GPHN: variants seen among roughly 807,000 people sequenced by gnomAD.
GPHN encodes the protein gephyrin.
In GPHN, 17 loss-of-function variants were observed where a neutral mutation model predicts 95.5. The observed-to-expected ratio is 0.18, with a 90% CI of 0.12 to 0.27. GPHN has a LOEUF of 0.27. GPHN is among the 10% of genes least tolerant of loss of function. The pLI is 1.00. For synonymous variants in GPHN, 320 were observed against 322.5 expected, an observed-to-expected ratio of 0.99 and a Z score of 0.08; for missense variants, 660 against 978.1, an observed-to-expected ratio of 0.67 and a Z score of 4.34.
chr14:67,519,708 A>C, the GPHN span, among the ~76,000 whole-genome samples: 2 of 133,340 alleles, frequency 1.5e-5, no homozygotes, highest in African/African-American at 2.7e-5. Context: ...GTGGCCCTGT[A>C]AGTTTGTTTT....
At chr14:66,840,060 C>A (rs2062013570) in intron 4 of GPHN, among the ~76,000 whole-genome samples, 1 of 152,144 alleles carries the variant, frequency 6.6e-6, no homozygotes, top group East Asian at 1.9e-4. Context: ...GGGCAGATCA[C>A]CTGAGGTCAG....
intron 3 of GPHN, among the ~76,000 whole-genome samples, chr14:66,791,231 G>A (rs1049867883): frequency 3.9e-5 from 6 of 152,188 alleles, no homozygotes; most frequent in African/African-American, 9.7e-5. Flanking sequence ...AATCAGTGCT[G>A]CAGTCTATTT....
chr14:67,413,422 T>C, the GPHN span, among the ~76,000 whole-genome samples: 1 of 152,316 alleles, frequency 6.6e-6, no homozygotes, highest in Admixed American at 6.5e-5. Context: ...TGCTCCAGTT[T>C]GAAGGGCCCT....
chr14:66,957,998 A>G lies in GPHN; in HGVS notation c.829-7193A>G, dbSNP rs74473205. 3.9e-3 allele frequency among the ~76,000 whole-genome samples: 598 copies of G among 152,304 alleles called. 5 individuals are homozygous for G. The highest frequency in any genetic ancestry group is 0.014 in the African/African-American group (575 of 41,574). ...TCCCCACCAACCCCCAGTCCGTAGAAAAATTGTCTTCCATAAAAACACTCC... is the reference window on the plus strand; with the variant it reads ...TCCCCACCAACCCCCAGTCCGTAGAGAAATTGTCTTCCATAAAAACACTCC... On this transcript the variant is annotated intron_variant, in intron 8 of 22. Transcript: ENST00000478722.
chr14:67,578,688 T>G, the GPHN span: 1 of 1,116,814 alleles, frequency 9.0e-7, no homozygotes, highest in Non-Finnish European at 1.3e-6. This position sits in a 1 kb window ranked among gnomAD's most constrained non-coding sequence, Gnocchi z 5.0. Flanking sequence ...GCCGCATGAA[T>G]AAGAGGGATG....
At chr14:67,375,367 C>T in the GPHN span, among the ~76,000 whole-genome samples, 7 of 151,912 alleles carry the variant, frequency 4.6e-5, no homozygotes, top group South Asian at 2.1e-4. Context: ...GCGATCCTCT[C>T]GCCTCTGCCT....
At chr14:67,173,223 C>A (rs1313957169) in intron 21 of GPHN, among the ~76,000 whole-genome samples, 1 of 152,202 alleles carries the variant, frequency 6.6e-6, no homozygotes, top group Non-Finnish European at 1.5e-5. Flanking sequence ...CACATCCACT[C>A]TAAGCACCTG....
the GPHN span, among the ~76,000 whole-genome samples, chr14:67,285,366 A>T: frequency 2.9e-5 from 4 of 137,850 alleles, no homozygotes; most frequent in Non-Finnish European, 3.1e-5. Flanking sequence ...CCTTAGGTAA[A>T]TTTTTTTTTT....
chr14:66,829,268 A>C (rs1413575251), intron 4 of GPHN, among the ~76,000 whole-genome samples: 1 of 151,704 alleles, frequency 6.6e-6, no homozygotes, highest in African/African-American at 2.4e-5. Flanking sequence ...TTATATTTTT[A>C]GTAGAGACAG....
chr14:66,781,293 T>C (rs1383470805), intron 3 of GPHN, among the ~76,000 whole-genome samples: 2 of 151,714 alleles, frequency 1.3e-5, no homozygotes, highest in Non-Finnish European at 2.9e-5. Context: ...CTCAGCACAC[T>C]GCAACCTCTA....
chr14:66,898,466 TAAAAAAAAAAAA>T (rs59434196), intron 5 of GPHN, among the ~76,000 whole-genome samples: 3 of 91,756 alleles, frequency 3.3e-5, no homozygotes, highest in African/African-American at 9.6e-5. Context: ...GCTACTTGTT[TAAAAAAAAAAAA>T]AAAAAAAAAA....
At chr14:66,709,334 C>G (rs868762275) in intron 2 of GPHN, 1 of 456,014 alleles carries the variant, frequency 2.2e-6, no homozygotes, top group African/African-American at 2.0e-5. Flanking sequence ...TAAGCCTGTA[C>G]TGTAGTCCCC....
At chr14:67,675,281 G>A in the GPHN span, among the ~76,000 whole-genome samples, 952 of 152,236 alleles carry the variant, frequency 6.3e-3, 15 homozygotes, top group African/African-American at 0.022. Flanking sequence ...GCCGAGGTGG[G>A]AGGATTGCTT....
the GPHN span, chr14:67,586,527 C>T: frequency 7.6e-5 from 56 of 741,104 alleles, 1 homozygote; most frequent in Non-Finnish European, 1.0e-4. Context: ...CCACAGTGCT[C>T]CCTCTTCCTT....
chr14:66,694,424 T>C (rs1026486013), intron 2 of GPHN, among the ~76,000 whole-genome samples: 5 of 152,204 alleles, frequency 3.3e-5, no homozygotes, highest in Admixed American at 3.3e-4. Flanking sequence ...AAGACAATGT[T>C]CAACTGGTCT....
the GPHN span, among the ~76,000 whole-genome samples, chr14:67,715,865 G>A: frequency 6.6e-6 from 1 of 152,188 alleles, no homozygotes; most frequent in African/African-American, 2.4e-5. Context: ...GAACACAAAT[G>A]TAGAGCTTAT....
the GPHN span, among the ~76,000 whole-genome samples, chr14:67,680,460 C>A: frequency 6.6e-6 from 1 of 152,116 alleles, no homozygotes; most frequent in African/African-American, 2.4e-5. Context: ...AATACTACAG[C>A]AAGAGCTTTC....
the GPHN span, among the ~76,000 whole-genome samples, chr14:67,351,336 A>G: frequency 6.6e-6 from 1 of 152,206 alleles, no homozygotes; most frequent in Admixed American, 6.5e-5. Flanking sequence ...CCCAAAATTC[A>G]GACATAATTA....
chr14:66,721,543 A>G (rs563891293), intron 2 of GPHN, among the ~76,000 whole-genome samples: 1 of 152,212 alleles, frequency 6.6e-6, no homozygotes, highest in Non-Finnish European at 1.5e-5. Context: ...TAACAAATCA[A>G]ACTAATTAAC....
Sources: gnomAD v4.1 joint callset for allele counts (sites outside exome capture counted in the v4.1 genomes callset) on GRCh38, gnomAD v4.1.1 for gene constraint, Gnocchi (gnomAD v3.1) non-coding constraint, MANE v1.5 for transcripts, NCBI Gene and HGNC (gene_info 2026-07-23, HGNC 2026-07-21) for gene names.